Variants in CDH4 observed in about 807,000 individuals in gnomAD.
The protein encoded by CDH4 is cadherin-4.
A neutral mutation model predicts 86.0 loss-of-function variants in CDH4; 33 were observed. The ratio of observed to expected loss-of-function variants is 0.38; its 90% confidence interval spans 0.29 to 0.51. The LOEUF (loss-of-function observed/expected upper bound fraction) is 0.51. Among genes scored for constraint, CDH4 ranks in the 20% least tolerant of loss-of-function variants. The probability of loss-of-function intolerance (pLI) is 0.86; values close to 1 mark genes in which losing one functional copy is unlikely to be tolerated. For synonymous variants in CDH4, 555 were observed against 549.4 expected (o/e 1.01, Z -0.14); for missense variants, 1,114 against 1,307.4 (o/e 0.85, Z 2.28).
chr20:61,564,459 G>A (rs955112909), intron 2 of CDH4, among the ~76,000 whole-genome samples: 6 of 152,016 alleles, frequency 3.9e-5, no homozygotes, highest in African/African-American at 1.2e-4. Context: ...GTGAGTTCTC[G>A]CTCTGAGCTC....
chr20:61,868,070 G>C (rs1175232153), intron 6 of CDH4, among the ~76,000 whole-genome samples: 1 of 152,202 alleles, frequency 6.6e-6, no homozygotes, highest in Non-Finnish European at 1.5e-5. Context: ...ATCAATATCC[G>C]ATTAGTGCTT....
intron 2 of CDH4, among the ~76,000 whole-genome samples, chr20:61,294,841 C>T (rs1213697732): frequency 2.0e-5 from 3 of 152,354 alleles, no homozygotes; most frequent in East Asian, 1.9e-4. Context: ...TCACGGCGCT[C>T]GGTGTGAGTT....
At chr20:61,451,360 G>A (rs2085379761) in intron 2 of CDH4, among the ~76,000 whole-genome samples, 1 of 152,180 alleles carries the variant, frequency 6.6e-6, no homozygotes, top group Admixed American at 6.5e-5. Flanking sequence ...CGCAGACCTG[G>A]CTATGAATCT....
intron 2 of CDH4, among the ~76,000 whole-genome samples, chr20:61,584,501 A>G (rs2086455171): frequency 2.0e-5 from 3 of 152,068 alleles, no homozygotes; most frequent in Admixed American, 2.0e-4. Flanking sequence ...CTCCCACTAG[A>G]AAGCCCACTC....
intron 3 of CDH4, among the ~76,000 whole-genome samples, chr20:61,765,843 G>A (rs1000565217): frequency 2.6e-5 from 4 of 152,072 alleles, no homozygotes; most frequent in Admixed American, 2.0e-4. Context: ...CATCCAGGGA[G>A]GAGAGCCCAC....
rs559902886 is a variant in CDH4 at position 61,722,993 on chromosome 20, C to T, written c.170-20570C>T. On this transcript the variant is annotated intron_variant, in intron 2 of 15. Transcript: ENST00000614565. ...AACGGCCACCACAGACATCCTGGGT[C>T]CTGCTTGCTTTGGACTGACCCCTGG... Among the ~76,000 whole-genome samples, 9 of 152,274 alleles carry T rather than the reference C, an allele frequency of 5.9e-5. No individual in the cohort carries two copies. The South Asian group carries it at 1.9e-3, about 32-fold the overall frequency.
chr20:61,504,775 C>T (rs1052025961), intron 2 of CDH4, among the ~76,000 whole-genome samples: 2 of 152,230 alleles, frequency 1.3e-5, no homozygotes, highest in Non-Finnish European at 2.9e-5. Flanking sequence ...TGGACTCTTT[C>T]CTGATGGCTG....
intron 2 of CDH4, among the ~76,000 whole-genome samples, chr20:61,328,435 A>G (rs945264796): frequency 7.9e-5 from 12 of 152,186 alleles, no homozygotes; most frequent in African/African-American, 2.9e-4. Flanking sequence ...TTGACCTCCC[A>G]AAGTGCTGGG....
rs1004408759 is a variant in CDH4 at position 61,811,419 on chromosome 20, A to G, written c.577-33249A>G. Among the ~76,000 whole-genome samples, 1 of 152,244 alleles carries G rather than the reference A, an allele frequency of 6.6e-6. No individual in the cohort carries two copies. Among genetic ancestry groups the G allele is most frequent in the Non-Finnish European group, 1.5e-5 (1 of 68,038 alleles). ...GCCTGAAATCAAGATCACACTTTTG[A>G]CAATCTGAAGCAAGGAAAAAACAGC... On this transcript the variant is annotated intron_variant, in intron 4 of 15. Transcript: ENST00000614565. The surrounding 1 kb of genome is among the most constrained non-coding windows in gnomAD (Gnocchi z 4.4).
At position 61,615,130 on chromosome 20, in the gene CDH4, G is replaced by GT. The variant is rs11477544; in HGVS notation, c.170-128423dup. ...TTTTGTTGTTGTTTTTGTTTTTTTG[G>GT]TTTTTTTTTTGAGACAGAGTCTCAC... On this transcript the variant is annotated intron_variant, in intron 2 of 15. Transcript: ENST00000614565. 3.5e-3 allele frequency among the ~76,000 whole-genome samples: 522 copies of GT among 150,142 alleles called. 1 individual carries two copies. The highest frequency in any genetic ancestry group is 4.8e-3 in the Non-Finnish European group (323 of 67,574).
intron 5 of CDH4, among the ~76,000 whole-genome samples, chr20:61,849,034 G>T (rs1982592805): frequency 6.6e-6 from 1 of 152,116 alleles, no homozygotes; most frequent in South Asian, 2.1e-4. Flanking sequence ...CTGAGATCTG[G>T]CTGGACTCCA....
chr20:61,931,377 G>T (rs902272338), intron 13 of CDH4, among the ~76,000 whole-genome samples: 4 of 152,226 alleles, frequency 2.6e-5, no homozygotes, highest in African/African-American at 9.6e-5. Context: ...ACCCTCTGCA[G>T]GCAGGGCGAT....
At chr20:61,798,322 C>A (rs529464830) in intron 4 of CDH4, among the ~76,000 whole-genome samples, 25 of 152,178 alleles carry the variant, frequency 1.6e-4, no homozygotes, top group Non-Finnish European at 2.5e-4. Context: ...CCCCTCGCTG[C>A]GCCTCAGCCT....
At chr20:61,637,954 C>G (rs2086964702) in intron 2 of CDH4, among the ~76,000 whole-genome samples, 1 of 151,222 alleles carries the variant, frequency 6.6e-6, no homozygotes, top group Non-Finnish European at 1.5e-5. Flanking sequence ...GAGCCCAGAA[C>G]CAGGAGGCGG....
chr20:61,564,886 T>C (rs1274060299), intron 2 of CDH4, among the ~76,000 whole-genome samples: 3 of 152,140 alleles, frequency 2.0e-5, no homozygotes, highest in Non-Finnish European at 4.4e-5. Context: ...TAGGGAGTTG[T>C]AAATCCACAG....
intron 2 of CDH4, among the ~76,000 whole-genome samples, chr20:61,283,453 G>A (rs1369039541): frequency 0.01 from 1,498 of 144,804 alleles, 127 homozygotes; most frequent in Non-Finnish European, 0.012. Flanking sequence ...TGTGTGATGT[G>A]TGTGCGTTTG....
chr20:61,890,735 G>C (rs73917257), intron 7 of CDH4, among the ~76,000 whole-genome samples: 2 of 152,104 alleles, frequency 1.3e-5, no homozygotes, highest in Admixed American at 1.3e-4. Flanking sequence ...GCTATTTCTG[G>C]TTTTTTTTGT....
At chr20:61,442,727 A>G (rs2085320993) in intron 2 of CDH4, among the ~76,000 whole-genome samples, 1 of 152,354 alleles carries the variant, frequency 6.6e-6, no homozygotes, top group African/African-American at 2.4e-5. Context: ...GATGCACTGA[A>G]GCAGCTCCTT....
intron 4 of CDH4, among the ~76,000 whole-genome samples, chr20:61,777,877 CT>C (rs1978335387): frequency 2.4e-4 from 36 of 150,738 alleles, no homozygotes; most frequent in South Asian, 4.2e-4. Flanking sequence ...CACGTGCATA[CT>C]ATACACACAT....
Sources: allele counts gnomAD v4.1 joint callset (sites outside exome capture counted in the v4.1 genomes callset), GRCh38; gene constraint gnomAD v4.1.1; non-coding constraint Gnocchi (gnomAD v3.1); transcripts MANE v1.5; gene names NCBI Gene and HGNC (gene_info 2026-07-23, HGNC 2026-07-21).